Variants in LHFPL3 observed in about 807,000 individuals in gnomAD.
LHFPL3 encodes the protein LHFPL tetraspan subfamily member 3, also known as LHFPL tetraspan subfamily member 3 protein.
A neutral mutation model predicts 19.3 loss-of-function variants in LHFPL3; 5 were observed. That is an observed-to-expected ratio of 0.26 (90% CI 0.14 to 0.54). The LOEUF (loss-of-function observed/expected upper bound fraction) is 0.54, where lower values mean the gene tolerates loss of function less well. LHFPL3 is among the 20% of genes least tolerant of loss of function. LHFPL3 has a pLI of 0.94. For missense variants in LHFPL3, 249 were observed against 307.4 expected (o/e 0.81, Z 1.42); for synonymous variants, 133 against 126.2 (o/e 1.05, Z -0.36).
At chr7:104,855,656 C>G (rs1435972057) in intron 2 of LHFPL3, among the ~76,000 whole-genome samples, 1 of 151,318 alleles carries the variant, frequency 6.6e-6, no homozygotes, top group Non-Finnish European at 1.5e-5. Context: ...CGGAGCCTCG[C>G]TCTGTCACCC....
At chr7:104,655,112 C>T (rs1253579835) in intron 1 of LHFPL3, among the ~76,000 whole-genome samples, 2 of 152,206 alleles carry the variant, frequency 1.3e-5, no homozygotes, top group Non-Finnish European at 2.9e-5. Context: ...GCTATTAGCT[C>T]TGTACTATGT....
At chr7:104,717,634 C>T (rs1247002032) in intron 1 of LHFPL3, among the ~76,000 whole-genome samples, 1 of 151,744 alleles carries the variant, frequency 6.6e-6, no homozygotes, top group African/African-American at 2.4e-5. Context: ...AGGATGACTA[C>T]TATAAAAAAA....
intron 2 of LHFPL3, among the ~76,000 whole-genome samples, chr7:104,805,048 C>A (rs1790329871): frequency 6.6e-6 from 1 of 152,218 alleles, no homozygotes; most frequent in Admixed American, 6.5e-5. Context: ...TCTGGAGCAG[C>A]CAGAGGGCTC....
At chr7:104,452,612 A>G (rs1477696875) in intron 1 of LHFPL3, among the ~76,000 whole-genome samples, 2 of 152,186 alleles carry the variant, frequency 1.3e-5, no homozygotes, top group African/African-American at 2.4e-5. Flanking sequence ...CGACCTTTTC[A>G]TATGTTAATT....
chr7:104,605,929 T>A (rs1791088930), intron 1 of LHFPL3, among the ~76,000 whole-genome samples: 1 of 152,060 alleles, frequency 6.6e-6, no homozygotes. Flanking sequence ...CAGGCACATA[T>A]TTTTAAAATA....
At position 104,328,892 on chromosome 7, in the gene LHFPL3, T is replaced by C. The variant is rs753248361; in HGVS notation, c.113T>C (p.Val38Ala). ...NYVRNSRAIG[V>A]LWAIFTICFA... ...GTGCGGAACTCGCGGGCCATCGGCG[T>C]GCTGTGGGCCATCTTCACCATCTGC... Residue 38 changes from valine (V) to alanine (A), a missense_variant, in exon 1 of 3, where the codon GTG (valine) becomes GCG (alanine). By Grantham distance (64) the Val-to-Ala change is moderately conservative. Coordinates refer to ENST00000424859, the MANE Select transcript of LHFPL3 (RefSeq NM_199000.3). The surrounding 1 kb of genome is among the most constrained non-coding windows in gnomAD (Gnocchi z 4.6). 2 of 1,614,162 alleles carry C rather than the reference T, an allele frequency of 1.2e-6. No individual in the cohort carries two copies. The highest frequency in any genetic ancestry group is 1.7e-6 in the Non-Finnish European group (2 of 1,180,026).
At chr7:104,520,834 C>T (rs1794042951) in intron 1 of LHFPL3, among the ~76,000 whole-genome samples, 1 of 145,080 alleles carries the variant, frequency 6.9e-6, no homozygotes, top group African/African-American at 2.7e-5. Flanking sequence ...TGATTCTTCT[C>T]TCTTTTTTTC....
chr7:104,335,524 A>G (rs1457855301), intron 1 of LHFPL3, among the ~76,000 whole-genome samples: 7 of 152,232 alleles, frequency 4.6e-5, no homozygotes, highest in Non-Finnish European at 1.0e-4. Context: ...CAGTTTTTAT[A>G]AAAGTGAGAT....
At chr7:104,642,742 G>T (rs1455852972) in intron 1 of LHFPL3, among the ~76,000 whole-genome samples, 5 of 152,314 alleles carry the variant, frequency 3.3e-5, no homozygotes, top group East Asian at 3.9e-4. Context: ...ACAGGAGAAG[G>T]CTGGAGAGCA....
At chr7:104,365,801 A>AAAAGAAAAAAAAAG (rs1790482202) in intron 1 of LHFPL3, among the ~76,000 whole-genome samples, 1 of 142,258 alleles carries the variant, frequency 7.0e-6, no homozygotes, top group Non-Finnish European at 1.5e-5. Context: ...AAAAAAAAAA[A>AAAAGAAAAAAAAAG]AAAAGAAAAG....
At chr7:104,852,715 T>C (rs1791434870) in intron 2 of LHFPL3, among the ~76,000 whole-genome samples, 1 of 152,252 alleles carries the variant, frequency 6.6e-6, no homozygotes, top group African/African-American at 2.4e-5. Context: ...GCCCCAGTCT[T>C]GACATTGTTA....
chr7:104,335,080 T>C (rs73193608), intron 1 of LHFPL3, among the ~76,000 whole-genome samples: 16,606 of 152,176 alleles, frequency 0.11, 1,275 homozygotes, highest in African/African-American at 0.21. Flanking sequence ...ATTCTGAATG[T>C]ACTGAGCTCT....
intron 2 of LHFPL3, among the ~76,000 whole-genome samples, chr7:104,825,811 A>C (rs1460148926): frequency 1.3e-5 from 2 of 151,872 alleles, no homozygotes; most frequent in African/African-American, 4.9e-5. Context: ...AAAAAGAAGG[A>C]AGAAGAGGGA....
intron 1 of LHFPL3, among the ~76,000 whole-genome samples, chr7:104,392,502 A>G (rs1791095667): frequency 6.6e-6 from 1 of 151,936 alleles, no homozygotes; most frequent in South Asian, 2.1e-4. Flanking sequence ...TGATTTGTGT[A>G]TATTGAACCA....
intron 1 of LHFPL3, among the ~76,000 whole-genome samples, chr7:104,698,859 C>A (rs1447045126): frequency 6.6e-6 from 1 of 152,126 alleles, no homozygotes; most frequent in Non-Finnish European, 1.5e-5. Context: ...TCAAAAAAGA[C>A]CGATATTTTA....
At chr7:104,668,899 T>G in intron 1 of LHFPL3, 1 of 1,612,222 alleles carries the variant, frequency 6.2e-7, no homozygotes, top group Non-Finnish European at 8.5e-7. Context: ...ACAAGAGAAG[T>G]TGCAGCGTCA....
chr7:104,834,490 T>A (rs190345999), intron 2 of LHFPL3, among the ~76,000 whole-genome samples: 14 of 152,074 alleles, frequency 9.2e-5, no homozygotes, highest in Non-Finnish European at 1.8e-4. Context: ...TTCTGAAGCA[T>A]CATTTGCTTA....
intron 1 of LHFPL3, among the ~76,000 whole-genome samples, chr7:104,626,565 T>G (rs1422637807): frequency 2.0e-5 from 3 of 152,168 alleles, no homozygotes; most frequent in Non-Finnish European, 1.5e-5. Context: ...GGATTTTAGA[T>G]ATTATGAAGA....
intron 1 of LHFPL3, among the ~76,000 whole-genome samples, chr7:104,361,264 G>A (rs1253773063): frequency 6.6e-6 from 1 of 152,158 alleles, no homozygotes; most frequent in Non-Finnish European, 1.5e-5. Flanking sequence ...TGGGAAAATA[G>A]AATAACATTG....
Sources: gnomAD v4.1 joint callset for allele counts (sites outside exome capture counted in the v4.1 genomes callset) on GRCh38, gnomAD v4.1.1 for gene constraint, Gnocchi (gnomAD v3.1) non-coding constraint, MANE v1.5 for transcripts, NCBI Gene and HGNC (gene_info 2026-07-23, HGNC 2026-07-21) for gene names.